PAG1: variants seen among roughly 807,000 people sequenced by gnomAD.
PAG1 encodes phosphoprotein associated with glycosphingolipid-enriched microdomains 1.
Under a neutral mutation model 31.7 loss-of-function variants are expected in PAG1, and 23 were observed. The ratio of observed to expected loss-of-function variants is 0.73; its 90% confidence interval spans 0.52 to 1.03. The LOEUF (loss-of-function observed/expected upper bound fraction) is 1.03, where lower values mean the gene tolerates loss of function less well. PAG1 is among the 50% of genes least tolerant of loss of function. PAG1 has a pLI of 0.00. For synonymous variants in PAG1, 214 were observed against 210.3 expected (o/e 1.02, Z -0.15); for missense variants, 473 against 540.7 (o/e 0.87, Z 1.24).
At chr8:81,066,044 T>G (rs1382734563) in intron 2 of PAG1, among the ~76,000 whole-genome samples, 2 of 152,132 alleles carry the variant, frequency 1.3e-5, no homozygotes, top group Non-Finnish European at 2.9e-5. Context: ...TGGGCAGAAG[T>G]GCCCATCCTT....
intron 2 of PAG1, chr8:81,067,603 C>G (rs1207740445): frequency 6.6e-6 from 1 of 152,200 alleles, no homozygotes; most frequent in Non-Finnish European, 1.5e-5. Flanking sequence ...AGCCAAAGAT[C>G]AAATGCGAGA....
At position 81,098,830 on chromosome 8, in the gene PAG1, G is replaced by A. The variant is rs140788222; in HGVS notation, c.-234+12761C>T. 1.6e-3 allele frequency among the ~76,000 whole-genome samples: 242 copies of A among 152,318 alleles called. 1 individual carries two copies. The highest frequency in any genetic ancestry group is 5.5e-3 in the African/African-American group (228 of 41,562). ...GAAAGACAAATATATCCATGGCTAA[G>A]TTAAATGAAGTGTGTATATGGCAGA... is the stretch of plus-strand genomic sequence containing the variant. On this transcript the variant is annotated intron_variant, in intron 1 of 8. Transcript: ENST00000220597.
intron 2 of PAG1, among the ~76,000 whole-genome samples, chr8:81,055,315 A>G (rs1208449388): frequency 6.6e-6 from 1 of 152,172 alleles, no homozygotes; most frequent in Non-Finnish European, 1.5e-5. Flanking sequence ...ATTCAGGAAG[A>G]GGAACTGATT....
At chr8:81,056,496 C>T (rs965107316) in intron 2 of PAG1, among the ~76,000 whole-genome samples, 3 of 152,150 alleles carry the variant, frequency 2.0e-5, no homozygotes, top group South Asian at 2.1e-4. Context: ...ATAAATGGTG[C>T]TGGGAAAACT....
At chr8:80,998,905 C>T (rs1322167754) in intron 3 of PAG1, among the ~76,000 whole-genome samples, 1 of 152,132 alleles carries the variant, frequency 6.6e-6, no homozygotes, top group East Asian at 1.9e-4. Flanking sequence ...GGTCAAGGGC[C>T]CAATCCCAGT....
chr8:80,998,970 C>T (rs1807736476), intron 3 of PAG1, among the ~76,000 whole-genome samples: 1 of 152,174 alleles, frequency 6.6e-6, no homozygotes, highest in Non-Finnish European at 1.5e-5. Flanking sequence ...GGTAAAATGA[C>T]ACTTTGTGGG....
chr8:81,071,174 T>C (rs1259765489), intron 1 of PAG1, among the ~76,000 whole-genome samples: 1 of 151,974 alleles, frequency 6.6e-6, no homozygotes, highest in Non-Finnish European at 1.5e-5. Flanking sequence ...ATAAGCAAGG[T>C]GGTAATTCCT....
intron 2 of PAG1, among the ~76,000 whole-genome samples, chr8:81,049,533 T>C (rs543656824): frequency 2.0e-5 from 3 of 152,356 alleles, no homozygotes; most frequent in African/African-American, 7.2e-5. Context: ...AGTCAAATAA[T>C]GTATGATAAA....
Position 80,987,377 on chromosome 8 carries a change from A to C in PAG1, c.267T>G (p.Asn89Lys), listed in dbSNP as rs1475462691. ...ASSEQNGALTNGDILSEDSTL... is the reference protein window; with the variant it reads ...ASSEQNGALTKGDILSEDSTL... ...TGTTTTTGCAGAACTTACTGTCCCC[A>C]TTGGTGAGTGCCCCATTCTGCTCAC... Residue 89 changes from asparagine to lysine, a missense_variant, in exon 6 of 9, where the codon AAT becomes AAG. Physicochemically the swap from Asn to Lys is moderately conservative, Grantham distance 94. Coordinates refer to ENST00000220597, the MANE Select transcript of PAG1 (RefSeq NM_018440.4). 1 of 1,608,834 alleles carries C rather than the reference A, an allele frequency of 6.2e-7. No individual in the cohort carries two copies. The highest frequency in any genetic ancestry group is 1.7e-5 in the Admixed American group (1 of 60,006).
At chr8:81,056,347 G>A (rs1486803875) in intron 2 of PAG1, among the ~76,000 whole-genome samples, 1 of 152,158 alleles carries the variant, frequency 6.6e-6, no homozygotes, top group East Asian at 1.9e-4. Context: ...AACCAAAACA[G>A]CATGGTACTG....
At position 80,971,346 on chromosome 8, in the gene PAG1, GA is replaced by G. The variant is rs1192018415; in HGVS notation, c.*5197del. ...CTTTTGGTGTAACTATTTTTATGAGGAAAAAACATTAACAATGAAATGCCAA... is the reference window on the plus strand; with the variant it reads ...CTTTTGGTGTAACTATTTTTATGAGGAAAAACATTAACAATGAAATGCCAA... On this transcript the variant is annotated 3_prime_UTR_variant, in exon 9 of 9. Coordinates refer to ENST00000220597, the MANE Select transcript of PAG1 (RefSeq NM_018440.4). 1 of 152,068 alleles carries G rather than the reference GA, an allele frequency of 6.6e-6. No individual in the cohort carries two copies. The highest frequency in any genetic ancestry group is 1.5e-5 in the Non-Finnish European group (1 of 67,984). The allele number at this position is 152,068 out of a possible 1,614,324, so 9.4% of individuals were successfully genotyped here. A position where few individuals can be genotyped will look rare whatever the true frequency, so the allele number is the denominator to read the frequency against.
rs1807140695 is a variant in PAG1 at position 80,974,296 on chromosome 8, G to A, written c.*2248C>T. On this transcript the variant is annotated 3_prime_UTR_variant, in exon 9 of 9. Transcript: ENST00000220597. ...CTACAGCATTCACAATGCTAGGTGT[G>A]TAAGATGACATGGCTGTTACCATGT... 1 of 151,948 alleles carries A rather than the reference G, an allele frequency of 6.6e-6. No homozygotes were observed. The highest frequency in any genetic ancestry group is 6.6e-5 in the Admixed American group (1 of 15,240). The allele number at this position is 151,948 out of a possible 1,614,324, so 9.4% of individuals were successfully genotyped here. A position where few individuals can be genotyped will look rare whatever the true frequency, so the allele number is the denominator to read the frequency against.
chr8:81,091,786 G>T (rs1174119343), intron 1 of PAG1, among the ~76,000 whole-genome samples: 1 of 151,362 alleles, frequency 6.6e-6, no homozygotes, highest in Non-Finnish European at 1.5e-5. Context: ...TTTATCAATG[G>T]GATTTAAAAA....
intron 2 of PAG1, among the ~76,000 whole-genome samples, chr8:81,056,743 T>C (rs1490113179): frequency 6.6e-6 from 1 of 152,028 alleles, no homozygotes; most frequent in Non-Finnish European, 1.5e-5. Flanking sequence ...ACTAAAGAGC[T>C]TCTGCAGAGC....
intron 3 of PAG1, among the ~76,000 whole-genome samples, chr8:81,005,966 G>A (rs879684293): frequency 2.4e-4 from 36 of 151,918 alleles, no homozygotes; most frequent in African/African-American, 3.6e-4. Flanking sequence ...TTTTTGAGAC[G>A]GAGTCTTGCT....
chr8:81,058,309 G>A (rs1563646058), intron 2 of PAG1, among the ~76,000 whole-genome samples: 1 of 152,082 alleles, frequency 6.6e-6, no homozygotes. Context: ...GTACATAAAG[G>A]AGAATAAAGC....
At chr8:81,029,149 C>T (rs1174714023) in intron 3 of PAG1, among the ~76,000 whole-genome samples, 6 of 152,112 alleles carry the variant, frequency 3.9e-5, no homozygotes, top group South Asian at 2.1e-4. Context: ...GACTGAGCAG[C>T]GACAGGGGAA....
chr8:81,014,226 GCT>G (rs1376641229), intron 3 of PAG1, among the ~76,000 whole-genome samples: 1 of 152,170 alleles, frequency 6.6e-6, no homozygotes, highest in Non-Finnish European at 1.5e-5. Context: ...AACAAAAACT[GCT>G]TTCCTTGCCA....
At position 80,972,099 on chromosome 8, in the gene PAG1, T is replaced by A. The variant is rs757159736; in HGVS notation, c.*4445A>T. 1.1e-4 allele frequency: 17 copies of A among 152,250 alleles called. No individual in the cohort carries two copies. Among genetic ancestry groups the A allele is most frequent in the Non-Finnish European group, 2.4e-4 (16 of 68,044 alleles). The allele number at this position is 152,250 out of a possible 1,614,324, so 9.4% of individuals were successfully genotyped here. ...ACTGCAAATAAAGCCATATTTGATA[T>A]TAAAGACACATGTTCCTATTTTCAC... On this transcript the variant is annotated 3_prime_UTR_variant, in exon 9 of 9. Coordinates refer to ENST00000220597, the MANE Select transcript of PAG1 (RefSeq NM_018440.4).
Sources: gnomAD v4.1 joint callset for allele counts (sites outside exome capture counted in the v4.1 genomes callset) on GRCh38, gnomAD v4.1.1 for gene constraint, MANE v1.5 for transcripts, NCBI Gene and HGNC (gene_info 2026-07-23, HGNC 2026-07-21) for gene names.